Variants in MAPKAP1 observed in about 807,000 individuals in gnomAD.
MAPKAP1 encodes the protein MAPK associated protein 1.
In MAPKAP1, 20 loss-of-function variants were observed where a neutral mutation model predicts 65.7. The observed-to-expected ratio is 0.30, with a 90% confidence interval of 0.21 to 0.44. The LOEUF is 0.44. Among genes scored for constraint, MAPKAP1 ranks in the 20% least tolerant of loss-of-function variants. The pLI, the probability that MAPKAP1 is intolerant of heterozygous loss-of-function variation, is 1.00. For missense variants in MAPKAP1, 423 were observed against 648.0 expected (o/e 0.65, Z 3.77); for synonymous variants, 222 against 244.3 (o/e 0.91, Z 0.85).
rs963133088 is a variant in MAPKAP1, at chr9:125,482,815, T to A, written c.1207+1628A>T. ...GGTGGGGTCTGCTTTGGTTCGAAGTTACTGAGTGCTGTCTCATCTGATCAG... is the reference window on the plus strand; with the variant it reads ...GGTGGGGTCTGCTTTGGTTCGAAGTAACTGAGTGCTGTCTCATCTGATCAG... On this transcript the variant is annotated intron_variant, in intron 9 of 11. Transcript: ENST00000265960. 2.0e-5 allele frequency among the ~76,000 whole-genome samples: 3 copies of A among 152,320 alleles called. No individual in the cohort carries two copies. The South Asian group carries it at 6.2e-4, about 32-fold the overall frequency.
chr9:125,693,700 TATATATACAC>T (rs1463772113), intron 1 of MAPKAP1, among the ~76,000 whole-genome samples: 17 of 77,638 alleles, frequency 2.2e-4, no homozygotes, highest in East Asian at 1.2e-3. Flanking sequence ...TATATACACG[TATATATACAC>T]ATATATACAC....
chr9:125,460,283 A>G (rs554021029), intron 10 of MAPKAP1, among the ~76,000 whole-genome samples: 7 of 152,312 alleles, frequency 4.6e-5, no homozygotes, highest in African/African-American at 1.7e-4. Context: ...AAAACTTAAT[A>G]GCAAAAAGGA....
Position 125,639,520 on chromosome 9 carries a change from A to G in MAPKAP1, c.498+18131T>C, listed in dbSNP as rs142990888. On this transcript the variant is annotated intron_variant, in intron 4 of 11. Transcript: ENST00000265960. ...GTCATTATTATATTCGTTATCATTA[A>G]AATTGTTTAAATTCTCCCTCCGTCC... 2.3e-4 allele frequency among the ~76,000 whole-genome samples: 35 copies of G among 152,312 alleles called. No homozygotes were observed. In the East Asian group the frequency reaches 6.8e-3, roughly 29 times the overall value.
chr9:125,519,395 G>A (rs1022821767), intron 7 of MAPKAP1, among the ~76,000 whole-genome samples: 1 of 152,040 alleles, frequency 6.6e-6, no homozygotes, highest in Admixed American at 6.5e-5. Flanking sequence ...CAGCACTTTG[G>A]GAGGTCAAGG....
Position 125,438,813 on chromosome 9 carries a change from G to T in MAPKAP1, c.*74C>A. Reference sequence around the variant, plus strand: ...CTCCCCCCGAGGACTTCAGGACACCGGGTGGACTCTAGGGCACTTGGCCCT... The same window carrying T: ...CTCCCCCCGAGGACTTCAGGACACCTGGTGGACTCTAGGGCACTTGGCCCT... On this transcript the variant is annotated 3_prime_UTR_variant, in exon 12 of 12. Coordinates refer to ENST00000265960, the MANE Select transcript of MAPKAP1 (RefSeq NM_001006617.3). The T allele has an allele frequency of 6.3e-7, 1 of 1,592,564 alleles. No individual in the cohort carries two copies. The highest frequency in any genetic ancestry group is 1.1e-5 in the South Asian group (1 of 88,830).
At chr9:125,666,638 AGAAT>A (rs1040740253) in intron 3 of MAPKAP1, among the ~76,000 whole-genome samples, 2 of 152,200 alleles carry the variant, frequency 1.3e-5, no homozygotes, top group Non-Finnish European at 2.9e-5. Context: ...TTAAAAGCAG[AGAAT>A]GAATAAATAA....
At chr9:125,583,924 G>A (rs1363509052) in intron 5 of MAPKAP1, among the ~76,000 whole-genome samples, 6 of 152,154 alleles carry the variant, frequency 3.9e-5, no homozygotes, top group African/African-American at 1.2e-4. Flanking sequence ...TTAGCTGGGC[G>A]TGGTGGTAGG....
intron 7 of MAPKAP1, among the ~76,000 whole-genome samples, chr9:125,529,072 G>A (rs1829859085): frequency 1.3e-5 from 2 of 150,888 alleles, no homozygotes; most frequent in African/African-American, 2.4e-5. Context: ...TACTCGGGAA[G>A]TTGAGGCAGG....
At chr9:125,478,735 G>A (rs891588701) in intron 9 of MAPKAP1, among the ~76,000 whole-genome samples, 15 of 152,128 alleles carry the variant, frequency 9.9e-5, no homozygotes, top group African/African-American at 3.1e-4. Context: ...GGAAGTCTCC[G>A]TATATCTGAT....
At position 125,439,661 on chromosome 9, in the gene MAPKAP1, GCTC is replaced by G. The variant is rs1244122409; in HGVS notation, c.1444-652_1444-650del. 6.6e-6 allele frequency among the ~76,000 whole-genome samples: 1 copy of G among 152,264 alleles called. No homozygotes were observed. The highest frequency in any genetic ancestry group is 1.5e-5 in the Non-Finnish European group (1 of 68,042). ...TGTGAAGGGCGGGGCTGCCTCCTGG[GCTC>G]CTCTCAGGCCTTCTGCACGCTGCTG... On this transcript the variant is annotated intron_variant, in intron 11 of 11. Coordinates refer to ENST00000265960, the MANE Select transcript of MAPKAP1 (RefSeq NM_001006617.3). The surrounding 1 kb of genome is among the most constrained non-coding windows in gnomAD (Gnocchi z 4.0).
Position 125,468,425 on chromosome 9 carries a change from C to T in MAPKAP1, c.1208-316G>A, listed in dbSNP as rs7864101. Reference sequence around the variant, plus strand: ...CCAACACAGAGAGGCTATTTACAGCCGTACATTATCTCTATATTGTAATGA... The same window carrying T: ...CCAACACAGAGAGGCTATTTACAGCTGTACATTATCTCTATATTGTAATGA... On this transcript the variant is annotated intron_variant, in intron 9 of 11. Coordinates refer to ENST00000265960, the MANE Select transcript of MAPKAP1 (RefSeq NM_001006617.3). 6.1e-3 allele frequency among the ~76,000 whole-genome samples: 934 copies of T among 152,234 alleles called. 16 individuals carry two copies. Among genetic ancestry groups the T allele is most frequent in the African/African-American group, 0.022 (896 of 41,512 alleles).
At chr9:125,524,299 T>G (rs942713678) in intron 7 of MAPKAP1, among the ~76,000 whole-genome samples, 2 of 152,240 alleles carry the variant, frequency 1.3e-5, no homozygotes, top group African/African-American at 4.8e-5. Flanking sequence ...CACTGGTTCC[T>G]TATCTCTAAG....
At chr9:125,463,038 T>G (rs1005776827) in intron 10 of MAPKAP1, among the ~76,000 whole-genome samples, 1 of 152,240 alleles carries the variant, frequency 6.6e-6, no homozygotes, top group Non-Finnish European at 1.5e-5. Context: ...ATCTCCTCGG[T>G]AGAAGTCTTG....
intron 7 of MAPKAP1, among the ~76,000 whole-genome samples, chr9:125,542,777 C>A (rs1830290257): frequency 6.6e-6 from 1 of 152,214 alleles, no homozygotes; most frequent in African/African-American, 2.4e-5. Context: ...ATCAACTGAT[C>A]ATCAGCACAA....
intron 1 of MAPKAP1, among the ~76,000 whole-genome samples, chr9:125,684,457 AT>A (rs1424743261): frequency 6.6e-6 from 1 of 152,138 alleles, no homozygotes; most frequent in Non-Finnish European, 1.5e-5. Context: ...AAACCCCACA[AT>A]AATGTGAGGT....
intron 6 of MAPKAP1, among the ~76,000 whole-genome samples, chr9:125,548,234 C>T (rs1396614557): frequency 6.6e-6 from 1 of 152,170 alleles, no homozygotes; most frequent in Admixed American, 6.5e-5. Flanking sequence ...ACCCAAGCTG[C>T]ACAGTCCAGT....
intron 9 of MAPKAP1, among the ~76,000 whole-genome samples, chr9:125,481,432 T>A (rs535920936): frequency 1.3e-5 from 2 of 152,178 alleles, no homozygotes; most frequent in African/African-American, 4.8e-5. Flanking sequence ...GGGCTTCTTT[T>A]TTTCCTTTGA....
intron 10 of MAPKAP1, among the ~76,000 whole-genome samples, chr9:125,452,670 C>T (rs1371607842): frequency 6.6e-6 from 1 of 151,878 alleles, no homozygotes; most frequent in African/African-American, 2.4e-5. Context: ...AATCCCAGCA[C>T]TTTGGGAGGC....
In MAPKAP1 at chr9:125,699,637, A is replaced by ATT. The variant is rs576223488; in HGVS notation, c.-70+7332_-70+7333dup. On this transcript the variant is annotated intron_variant, in intron 1 of 11. Coordinates refer to ENST00000265960, the MANE Select transcript of MAPKAP1 (RefSeq NM_001006617.3). The stretch of plus-strand genomic sequence containing the variant: ...GAATTTTGAAGGATTTTTGATTTTG[A>ATT]TTTTTTTTTTTTTTTGAGACAGTCT... 4.1e-3 allele frequency among the ~76,000 whole-genome samples: 557 copies of ATT among 136,450 alleles called. 6 individuals are homozygous for ATT. The highest frequency in any genetic ancestry group is 0.014 in the African/African-American group (527 of 37,436). The allele number at this position is 136,450 out of a possible 152,430, so 89.5% of individuals were successfully genotyped here.
Sources: allele counts gnomAD v4.1 joint callset (sites outside exome capture counted in the v4.1 genomes callset), GRCh38; gene constraint gnomAD v4.1.1; non-coding constraint Gnocchi (gnomAD v3.1); transcripts MANE v1.5; gene names NCBI Gene and HGNC (gene_info 2026-07-23, HGNC 2026-07-21).